The following EPHA6 variants were observed in gnomAD, a reference collection of about 807,000 sequenced individuals.
The protein encoded by EPHA6 is EPH receptor A6.
In EPHA6, 50 loss-of-function variants were observed where a neutral mutation model predicts 112.0. That is an observed-to-expected ratio of 0.45 (90% CI 0.36 to 0.56). The LOEUF (loss-of-function observed/expected upper bound fraction) is 0.56. Ranked by LOEUF, EPHA6 falls within the 20% of genes least tolerant of loss-of-function variation. The pLI, the probability that EPHA6 is intolerant of heterozygous loss-of-function variation, is 0.00. For missense variants in EPHA6, 1,280 were observed against 1,417.4 expected, an observed-to-expected ratio of 0.90 and a Z score of 1.56; for synonymous variants, 529 against 490.7, an observed-to-expected ratio of 1.08 and a Z score of -1.03.
intron 5 of EPHA6, among the ~76,000 whole-genome samples, chr3:97,366,609 GT>G (rs111677037): frequency 0.027 from 3,987 of 146,328 alleles, 158 homozygotes; most frequent in African/African-American, 0.087. Context: ...CACAATTACT[GT>G]TTTTTTTTTT....
chr3:97,324,429 C>CT (rs1346950374), intron 5 of EPHA6, among the ~76,000 whole-genome samples: 2 of 145,366 alleles, frequency 1.4e-5, no homozygotes, highest in Admixed American at 6.9e-5. Context: ...TTCTTTCTTT[C>CT]TTTCTTTCTT....
intron 3 of EPHA6, among the ~76,000 whole-genome samples, chr3:97,171,632 T>C (rs941594073): frequency 1.1e-4 from 17 of 152,052 alleles, no homozygotes; most frequent in Non-Finnish European, 2.4e-4. Flanking sequence ...GGGAGAATGA[T>C]AGTACAATTA....
intron 14 of EPHA6, among the ~76,000 whole-genome samples, chr3:97,660,216 T>G (rs1356561812): frequency 2.6e-5 from 4 of 152,112 alleles, no homozygotes. Context: ...TTCTCTTGAT[T>G]TTTTAATATC....
intron 3 of EPHA6, among the ~76,000 whole-genome samples, chr3:97,209,771 T>C (rs188874777): frequency 6.9e-4 from 105 of 152,304 alleles, no homozygotes; most frequent in Non-Finnish European, 1.0e-3. Flanking sequence ...CAGCAGAATA[T>C]AGGGTTGTCA....
intron 2 of EPHA6, among the ~76,000 whole-genome samples, chr3:96,896,573 C>T (rs146051344): frequency 8.5e-4 from 129 of 152,292 alleles, no homozygotes; most frequent in African/African-American, 2.9e-3. Flanking sequence ...TCTCAGCAAG[C>T]CTGTGGCATC....
At chr3:97,725,375 G>A (rs966447460) in intron 15 of EPHA6, among the ~76,000 whole-genome samples, 2 of 152,126 alleles carry the variant, frequency 1.3e-5, no homozygotes, top group African/African-American at 2.4e-5. Context: ...AGGTTTATAT[G>A]CCAGTCTGTG....
intron 11 of EPHA6, among the ~76,000 whole-genome samples, chr3:97,533,183 T>A (rs73851923): frequency 0.027 from 4,141 of 152,096 alleles, 152 homozygotes; most frequent in African/African-American, 0.086. Context: ...TGATAGGGCA[T>A]AAAATATGAC....
chr3:97,585,028 G>A (rs1451601467), intron 11 of EPHA6, among the ~76,000 whole-genome samples: 2 of 152,136 alleles, frequency 1.3e-5, no homozygotes, highest in South Asian at 2.1e-4. Context: ...TTAGCAGATT[G>A]TAGATTTATT....
chr3:97,491,184 A>T (rs2091828283), intron 10 of EPHA6, among the ~76,000 whole-genome samples: 2 of 152,222 alleles, frequency 1.3e-5, no homozygotes, highest in African/African-American at 4.8e-5. Context: ...GGAAGGGATC[A>T]CACAAGGACA....
At chr3:96,970,070 A>C (rs1034290273) in intron 2 of EPHA6, among the ~76,000 whole-genome samples, 1 of 152,004 alleles carries the variant, frequency 6.6e-6, no homozygotes, top group Non-Finnish European at 1.5e-5. Context: ...ATTACAGCAA[A>C]GATAAGTGAT....
intron 1 of EPHA6, among the ~76,000 whole-genome samples, chr3:96,823,588 A>G (rs1055087886): frequency 1.9e-4 from 29 of 151,866 alleles, no homozygotes; most frequent in African/African-American, 6.5e-4. Context: ...AGTAGTTGCC[A>G]TGAAGTGTGA....
intron 6 of EPHA6, among the ~76,000 whole-genome samples, chr3:97,436,961 G>T: frequency 6.6e-6 from 1 of 151,838 alleles, no homozygotes; most frequent in East Asian, 1.9e-4. Context: ...TTCAACCCGC[G>T]GCCCACACGT....
chr3:97,255,092 C>A (rs1480814845), intron 5 of EPHA6, among the ~76,000 whole-genome samples: 1 of 151,732 alleles, frequency 6.6e-6, no homozygotes, highest in Non-Finnish European at 1.5e-5. Flanking sequence ...TAAGGGGTCA[C>A]AAAGGAGTGA....
chr3:97,495,443 C>T (rs1686798191), intron 10 of EPHA6, among the ~76,000 whole-genome samples: 3 of 151,494 alleles, frequency 2.0e-5, no homozygotes, highest in African/African-American at 7.3e-5. Context: ...CATGTCTATA[C>T]AAATTCTAGT....
chr3:97,392,033 A>G (rs530932054), intron 5 of EPHA6, among the ~76,000 whole-genome samples: 1 of 151,964 alleles, frequency 6.6e-6, no homozygotes, highest in Admixed American at 6.6e-5. Flanking sequence ...CTTGAAGCCA[A>G]TGGTCTTTTA....
intron 5 of EPHA6, among the ~76,000 whole-genome samples, chr3:97,404,877 C>A (rs1422438617): frequency 6.6e-6 from 1 of 152,004 alleles, no homozygotes; most frequent in Admixed American, 6.6e-5. Flanking sequence ...AGAAAAATAT[C>A]CTCCCCTAAT....
At chr3:97,413,633 C>T (rs2087895057) in intron 6 of EPHA6, among the ~76,000 whole-genome samples, 1 of 151,988 alleles carries the variant, frequency 6.6e-6, no homozygotes, top group Non-Finnish European at 1.5e-5. Context: ...TTACAGTTCT[C>T]TGTCTGGGAA....
At position 96,834,688 on chromosome 3, in the gene EPHA6, A is replaced by G. The variant is rs1428803604; in HGVS notation, c.385+19680A>G. ...ACTGTTAAAGTTTGGTCAGTAAGGT[A>G]CTTGATTTGTGTCTCCTTATATTTT... On this transcript the variant is annotated intron_variant, in intron 1 of 17. Coordinates refer to ENST00000389672, the MANE Select transcript of EPHA6 (RefSeq NM_001080448.3). Among the ~76,000 whole-genome samples, 3 of 152,120 alleles carry G rather than the reference A, an allele frequency of 2.0e-5. No homozygotes were observed. The East Asian group carries it at 5.8e-4, about 29-fold the overall frequency.
At chr3:97,140,003 A>G (rs916358429) in intron 3 of EPHA6, among the ~76,000 whole-genome samples, 5 of 152,014 alleles carry the variant, frequency 3.3e-5, no homozygotes, top group Non-Finnish European at 5.9e-5. Context: ...ATAGCTGTTA[A>G]AAAAAAGAGA....
Sources: gnomAD v4.1 joint callset for allele counts (sites outside exome capture counted in the v4.1 genomes callset) on GRCh38, gnomAD v4.1.1 for gene constraint, MANE v1.5 for transcripts, NCBI Gene and HGNC (gene_info 2026-07-23, HGNC 2026-07-21) for gene names.